ACTR1A: variants seen among roughly 807,000 people sequenced by gnomAD.
ACTR1A encodes actin related protein 1A.
Under a neutral mutation model 50.7 loss-of-function variants are expected in ACTR1A, and 10 were observed. That is an observed-to-expected ratio of 0.20 (90% CI 0.12 to 0.33). ACTR1A has a LOEUF of 0.33. Among genes scored for constraint, ACTR1A ranks in the 10% least tolerant of loss-of-function variants. The pLI, the probability that ACTR1A is intolerant of heterozygous loss-of-function variation, is 1.00. For missense variants in ACTR1A, 253 were observed against 491.7 expected, an observed-to-expected ratio of 0.51 and a Z score of 4.59; for synonymous variants, 177 against 184.2, an observed-to-expected ratio of 0.96 and a Z score of 0.32.
At chr10:102,494,791 C>G (rs1337509033) in intron 1 of ACTR1A, among the ~76,000 whole-genome samples, 1 of 152,176 alleles carries the variant, frequency 6.6e-6, no homozygotes, top group Admixed American at 6.5e-5. Flanking sequence ...AACGCTGTCT[C>G]TACAAAATAT....
In ACTR1A at chr10:102,484,396, C is replaced by T. The variant is rs778793279; in HGVS notation, c.441-20G>A. On this transcript the variant is annotated intron_variant, in intron 5 of 10. Transcript: ENST00000369905. ...GCGTAACTGAAGCAAAGGGGCAAACCGTCACTCAGCACTGCCTCCTCACGC... is the reference window on the plus strand; with the variant it reads ...GCGTAACTGAAGCAAAGGGGCAAACTGTCACTCAGCACTGCCTCCTCACGC... The T allele has an allele frequency of 1.9e-5, 30 of 1,596,418 alleles. No individual in the cohort carries two copies. The highest frequency in any genetic ancestry group is 4.5e-5 in the East Asian group (2 of 44,674).
chr10:102,480,982 C>T lies in ACTR1A; in HGVS notation c.1029-17G>A. On this transcript the variant is annotated splice_polypyrimidine_tract_variant and intron_variant, in intron 10 of 10. Coordinates refer to ENST00000369905, the MANE Select transcript of ACTR1A (RefSeq NM_005736.4). ...ATGGAGCCCCTGGAGGGAGGAAACC[C>T]AGAGGAACTGTGTGAGAGAGAAGTG... 1 of 1,602,856 alleles carries T rather than the reference C, an allele frequency of 6.2e-7. No homozygotes were observed. Among genetic ancestry groups the T allele is most frequent in the Non-Finnish European group, 8.5e-7 (1 of 1,169,740 alleles).
rs374026337 is a variant in ACTR1A, at chr10:102,485,643, C to A, written c.406G>T (p.Ala136Ser). The stretch of plus-strand genomic sequence containing the variant: ...ACAGCTTGCATGGAGATGAAAAGAG[C>A]GGGCACATTGAAGGTCTCGAAGAAA... ...EVFFETFNVPALFISMQAVLS... is the reference protein window; with the variant it reads ...EVFFETFNVPSLFISMQAVLS... Residue 136 changes from alanine (A) to serine (S), a missense_variant, in exon 5 of 11, where the codon GCT (alanine) becomes TCT (serine). Ala to Ser is a moderately conservative substitution (Grantham distance 99). Transcript: ENST00000369905. The A allele has an allele frequency of 6.2e-7, 1 of 1,613,852 alleles. No homozygotes were observed. Among genetic ancestry groups the A allele is most frequent in the Non-Finnish European group, 8.5e-7 (1 of 1,179,992 alleles).
rs1242766903 is a variant in ACTR1A, at chr10:102,481,984, C to T, written c.925+17G>A. On this transcript the variant is annotated intron_variant, in intron 8 of 10. Coordinates refer to ENST00000369905, the MANE Select transcript of ACTR1A (RefSeq NM_005736.4). Reference sequence around the variant, plus strand: ...CTGAACACTTCCAGGGGAAGGGCTCCAAGAGAAGAGACAAACCTTTGAACA... The same window carrying T: ...CTGAACACTTCCAGGGGAAGGGCTCTAAGAGAAGAGACAAACCTTTGAACA... 4 of 1,613,918 alleles carry T rather than the reference C, an allele frequency of 2.5e-6. No homozygotes were observed. The East Asian group carries it at 8.9e-5, about 36-fold the overall frequency.
chr10:102,497,891 T>C (rs562271077), intron 1 of ACTR1A, among the ~76,000 whole-genome samples: 2 of 143,228 alleles, frequency 1.4e-5, no homozygotes, highest in Non-Finnish European at 3.0e-5. Context: ...CCAGGAGTTC[T>C]AGATCAGCCT....
chr10:102,501,734 T>A (rs1198222689), intron 1 of ACTR1A, among the ~76,000 whole-genome samples: 2 of 152,172 alleles, frequency 1.3e-5, no homozygotes, highest in Admixed American at 1.3e-4. Context: ...AAGATCAAAG[T>A]TCCTTTTAAA....
chr10:102,490,747 C>G, intron 1 of ACTR1A, 134 bp from the exon 2 acceptor site: 1 of 639,910 alleles, frequency 1.6e-6, no homozygotes. Flanking sequence ...AATCCCAACA[C>G]TTTGGGAGGC....
At chr10:102,498,312 A>ATC (rs201677071) in intron 1 of ACTR1A, among the ~76,000 whole-genome samples, 13,029 of 149,690 alleles carry the variant, frequency 0.087, 702 homozygotes, top group Middle Eastern at 0.21. Flanking sequence ...TGTTTAAAGT[A>ATC]TCTCTCTCTC....
chr10:102,491,631 A>G (rs1247799169), intron 1 of ACTR1A, among the ~76,000 whole-genome samples: 1 of 152,234 alleles, frequency 6.6e-6, no homozygotes, highest in African/African-American at 2.4e-5. Flanking sequence ...TGAGGTGTCC[A>G]GAAAAGAATC....
Position 102,484,373 on chromosome 10 carries a change from G to GT in ACTR1A, c.443dup (p.Tyr148Ter). 1.2e-6 allele frequency: 2 copies of GT among 1,613,558 alleles called. No homozygotes were observed. The highest frequency in any genetic ancestry group is 1.7e-6 in the Non-Finnish European group (2 of 1,179,526). Reference protein sequence around the residue: ...FISMQAVLSLYATGRTTGVVL... With the variant: ...FISMQAVLSL Reference sequence around the variant, plus strand: ...CCACCCCTGTGGTCCTGCCTGTAGCGTAACTGAAGCAAAGGGGCAAACCGT... The same window carrying GT: ...CCACCCCTGTGGTCCTGCCTGTAGCGTTAACTGAAGCAAAGGGGCAAACCGT... Residue 148 changes from tyrosine to a stop codon, truncating the protein, a stop_gained and frameshift_variant, in exon 6 of 11, where the codon TAC (tyrosine) becomes TAAC (stop). Transcript: ENST00000369905. LOFTEE classifies it high-confidence loss of function.
At chr10:102,497,648 C>A (rs2062228653) in intron 1 of ACTR1A, among the ~76,000 whole-genome samples, 1 of 132,408 alleles carries the variant, frequency 7.6e-6, no homozygotes, top group Admixed American at 7.7e-5. Flanking sequence ...TGGAAAGGAG[C>A]ACAATTTTTT....
intron 1 of ACTR1A, among the ~76,000 whole-genome samples, chr10:102,492,912 G>T (rs1370281582): frequency 7.0e-6 from 1 of 142,208 alleles, no homozygotes; most frequent in Non-Finnish European, 1.5e-5. Context: ...TGAGGCAGGA[G>T]AATCACTTGA....
rs2062128432 is a variant in ACTR1A, at chr10:102,479,601, G to GGTCT, written c.*1258_*1261dup. On this transcript the variant is annotated 3_prime_UTR_variant, in exon 11 of 11. Coordinates refer to ENST00000369905, the MANE Select transcript of ACTR1A (RefSeq NM_005736.4). The surrounding 1 kb of genome is among the most constrained non-coding windows in gnomAD (Gnocchi z 4.0). ...TGGCTCCATTAGCTCCTGGCACTCT[G>GGTCT]GTCTGGCCCACTCCCTCCTTAACCA... 1 of 1,289,312 alleles carries GGTCT rather than the reference G, an allele frequency of 7.8e-7. No homozygotes were observed. Among genetic ancestry groups the GGTCT allele is most frequent in the African/African-American group, 1.5e-5 (1 of 65,964 alleles). 79.9% of individuals were successfully genotyped at this position (1,289,312 alleles called of 1,614,324 possible).
chr10:102,480,267 T>G lies in ACTR1A; in HGVS notation c.*596A>C, dbSNP rs531432087. ...TCCTCCAGTGGCCGGTGTGGTCCTG[T>G]TCCCTGGTGAACATGAGGGCCTCCT... is the stretch of plus-strand genomic sequence containing the variant. On this transcript the variant is annotated 3_prime_UTR_variant, in exon 11 of 11. Transcript: ENST00000369905. 163 of 160,620 alleles carry G rather than the reference T, an allele frequency of 1.0e-3. No individual in the cohort carries two copies. The highest frequency in any genetic ancestry group is 1.5e-3 in the Non-Finnish European group (112 of 72,598). 9.9% of individuals were successfully genotyped at this position (160,620 alleles called of 1,614,324 possible). A position where few individuals can be genotyped will look rare whatever the true frequency, so the allele number is the denominator to read the frequency against.
intron 1 of ACTR1A, among the ~76,000 whole-genome samples, chr10:102,500,761 A>AC (rs1382703902): frequency 1.4e-4 from 21 of 149,198 alleles, no homozygotes; most frequent in East Asian, 4.0e-4. Flanking sequence ...TGTTCCCTCC[A>AC]CCCCCCCACA....
intron 1 of ACTR1A, among the ~76,000 whole-genome samples, chr10:102,497,864 GGGA>G (rs2062229852): frequency 6.6e-6 from 1 of 151,686 alleles, no homozygotes. Flanking sequence ...AAGCTGAGGT[GGGA>G]GGACTGCTTC....
chr10:102,489,247 A>T, intron 2 of ACTR1A, 109 bp from the exon 3 acceptor site: 1 of 683,952 alleles, frequency 1.5e-6, no homozygotes, highest in Non-Finnish European at 2.2e-6. Context: ...ATCTTCAAGG[A>T]GTGAAGTCAC....
chr10:102,486,620 G>A (rs1380572867), intron 4 of ACTR1A, among the ~76,000 whole-genome samples: 1 of 152,038 alleles, frequency 6.6e-6, no homozygotes, highest in Non-Finnish European at 1.5e-5. Context: ...TTGAACCTGG[G>A]AGGCAGAGGT....
In ACTR1A at chr10:102,484,392, A is replaced by G; in HGVS notation, c.441-16T>C. 6.2e-7 allele frequency: 1 copy of G among 1,604,186 alleles called. No homozygotes were observed. Among genetic ancestry groups the G allele is most frequent in the Non-Finnish European group, 8.5e-7 (1 of 1,171,206 alleles). ...TGTAGCGTAACTGAAGCAAAGGGGCAAACCGTCACTCAGCACTGCCTCCTC... is the reference window on the plus strand; with the variant it reads ...TGTAGCGTAACTGAAGCAAAGGGGCGAACCGTCACTCAGCACTGCCTCCTC... On this transcript the variant is annotated splice_polypyrimidine_tract_variant and intron_variant, in intron 5 of 10. Coordinates refer to ENST00000369905, the MANE Select transcript of ACTR1A (RefSeq NM_005736.4).
Sources: allele counts gnomAD v4.1 joint callset (sites outside exome capture counted in the v4.1 genomes callset), GRCh38; gene constraint gnomAD v4.1.1; non-coding constraint Gnocchi (gnomAD v3.1); transcripts MANE v1.5; gene names NCBI Gene and HGNC (gene_info 2026-07-23, HGNC 2026-07-21).